Variants in BAZ1A observed in about 807,000 individuals in gnomAD.
BAZ1A encodes bromodomain adjacent to zinc finger domain protein 1A.
BAZ1A carries 50 observed loss-of-function variants against 185.2 expected under a neutral mutation model. The ratio of observed to expected loss-of-function variants is 0.27; its 90% confidence interval spans 0.22 to 0.34. BAZ1A has a LOEUF of 0.34. Among genes scored for constraint, BAZ1A ranks in the 10% least tolerant of loss-of-function variants. BAZ1A has a pLI of 1.00. For missense variants in BAZ1A, 1,356 were observed against 1,839.9 expected (o/e 0.74, Z 4.81); for synonymous variants, 571 against 615.6 (o/e 0.93, Z 1.07).
At chr14:34,765,352 TA>T (rs1414266490) in intron 21 of BAZ1A, 84 bp from the exon 22 acceptor site, 7 of 1,479,092 alleles carry the variant, frequency 4.7e-6, no homozygotes, top group Non-Finnish European at 6.4e-6. Flanking sequence ...AGTTTAAATA[TA>T]GGTTAGATTT....
intron 3 of BAZ1A, among the ~76,000 whole-genome samples, chr14:34,852,073 G>A (rs1038092392): frequency 2.6e-5 from 4 of 152,008 alleles, no homozygotes; most frequent in African/African-American, 9.7e-5. Context: ...CTTGCAGTGA[G>A]CTGAGATCGT....
chr14:34,763,026 C>T (rs956324006), intron 23 of BAZ1A, among the ~76,000 whole-genome samples: 2 of 152,126 alleles, frequency 1.3e-5, no homozygotes, highest in Admixed American at 6.5e-5. Flanking sequence ...GCCTTGAACC[C>T]GTGGTTCCTG....
chr14:34,860,537 CAAA>C (rs377519796), intron 3 of BAZ1A, among the ~76,000 whole-genome samples: 1 of 88,426 alleles, frequency 1.1e-5, no homozygotes, highest in Non-Finnish European at 2.4e-5. Context: ...AAAAAAAAAG[CAAA>C]AAAAAAAAAC....
intron 3 of BAZ1A, among the ~76,000 whole-genome samples, chr14:34,831,232 T>A (rs1292479551): frequency 6.6e-6 from 1 of 152,216 alleles, no homozygotes; most frequent in Non-Finnish European, 1.5e-5. Flanking sequence ...CTCTTCCAAA[T>A]GGCTATTAAT....
chr14:34,852,761 A>G (rs572475307), intron 3 of BAZ1A, among the ~76,000 whole-genome samples: 1 of 152,222 alleles, frequency 6.6e-6, no homozygotes, highest in Admixed American at 6.5e-5. Context: ...AAGCAACCCT[A>G]TAAGGCGGGG....
intron 25 of BAZ1A, 111 bp downstream of exon 25, chr14:34,758,593 C>CA: frequency 4.5e-5 from 52 of 1,159,244 alleles, no homozygotes; most frequent in African/African-American, 2.0e-4. Flanking sequence ...AAAACAACAA[C>CA]AACAAAAAAA....
intron 3 of BAZ1A, among the ~76,000 whole-genome samples, chr14:34,858,129 G>C (rs776172057): frequency 6.6e-6 from 1 of 152,096 alleles, no homozygotes; most frequent in Non-Finnish European, 1.5e-5. Flanking sequence ...AAGAAAATAT[G>C]TTAATAGTGC....
intron 6 of BAZ1A, among the ~76,000 whole-genome samples, chr14:34,804,153 G>A (rs990633052): frequency 3.9e-5 from 6 of 152,140 alleles, no homozygotes; most frequent in African/African-American, 1.4e-4. Context: ...GATTACAGGT[G>A]CGTGCCACCA....
chr14:34,856,628 T>A (rs539520484), intron 3 of BAZ1A, among the ~76,000 whole-genome samples: 1 of 152,008 alleles, frequency 6.6e-6, no homozygotes, highest in African/African-American at 2.4e-5. Context: ...AAGGCTGAGA[T>A]GGGTGGATCA....
At chr14:34,801,680 G>A (rs576724832) in intron 7 of BAZ1A, among the ~76,000 whole-genome samples, 20 of 152,208 alleles carry the variant, frequency 1.3e-4, no homozygotes, top group African/African-American at 2.6e-4. Context: ...AAGCCACGGC[G>A]GGTAGAATAC....
At chr14:34,871,232 T>C (rs1377331115) in intron 2 of BAZ1A, among the ~76,000 whole-genome samples, 1 of 152,232 alleles carries the variant, frequency 6.6e-6, no homozygotes, top group Admixed American at 6.5e-5. Flanking sequence ...AGAATATTTT[T>C]ATTTTTGTAG....
At chr14:34,756,464 C>CTTT (rs1343693112) in intron 25 of BAZ1A, among the ~76,000 whole-genome samples, 1,976 of 106,756 alleles carry the variant, frequency 0.019, 143 homozygotes, top group South Asian at 0.027. Flanking sequence ...GCCAGAATAC[C>CTTT]TATTTTTTTT....
chr14:34,754,975 A>T, intron 25 of BAZ1A, 61 bp from the exon 26 acceptor site: 3 of 1,314,610 alleles, frequency 2.3e-6, no homozygotes, highest in Non-Finnish European at 2.1e-6. Flanking sequence ...GAAGTGTTCA[A>T]ATAACTAAAA....
At chr14:34,832,931 G>A (rs897965176) in intron 3 of BAZ1A, among the ~76,000 whole-genome samples, 2 of 152,202 alleles carry the variant, frequency 1.3e-5, no homozygotes, top group African/African-American at 4.8e-5. Flanking sequence ...ATCAACAGAT[G>A]AATGGATAAG....
Position 34,754,858 on chromosome 14 carries a change from T to G in BAZ1A, c.4443A>C (p.Glu1481Asp). 6.2e-7 allele frequency: 1 copy of G among 1,603,576 alleles called. No homozygotes were observed. Among genetic ancestry groups the G allele is most frequent in the Non-Finnish European group, 8.5e-7 (1 of 1,174,820 alleles). The change falls in exon 26 of 27, where the codon GAA becomes GAC. Residue 1481 changes from glutamate (E) to aspartate (D), a missense_variant. Physicochemically the swap from Glu to Asp is conservative, Grantham distance 45. Transcript: ENST00000360310. Reference protein sequence around the residue: ...KKPIALNIIREKVNKCEYKLA... With the variant: ...KKPIALNIIRDKVNKCEYKLA... ...ATTTATATTCACACTTATTCACTTT[T>G]TCACGAATTATATTTAAGGCAATGG...
chr14:34,776,345 A>C lies in BAZ1A; in HGVS notation c.2407T>G (p.Phe803Val). 6.2e-7 allele frequency: 1 copy of C among 1,614,154 alleles called. No individual in the cohort carries two copies. The highest frequency in any genetic ancestry group is 8.5e-7 in the Non-Finnish European group (1 of 1,180,034). The stretch of plus-strand genomic sequence containing the variant: ...TACATGCGGTCGCGACCCAAGGGAA[A>C]GATATTGGTACAGGCTATGGCACTT... ...IQSAIACTNIFPLGRDRMYRR... is the reference protein window; with the variant it reads ...IQSAIACTNIVPLGRDRMYRR... Residue 803 changes from phenylalanine to valine, a missense_variant, in exon 18 of 27, where the codon TTT (phenylalanine) becomes GTT (valine). By Grantham distance (50) the Phe-to-Val change is conservative (BLOSUM62 -1). Around this residue, in one of 7 missense-constraint regions of BAZ1A, gnomAD observed 434 missense variants for 561.7 expected, o/e 0.77. Transcript: ENST00000360310.
At chr14:34,815,901 C>G (rs959699999) in intron 4 of BAZ1A, among the ~76,000 whole-genome samples, 3 of 152,026 alleles carry the variant, frequency 2.0e-5, no homozygotes, top group African/African-American at 7.2e-5. Flanking sequence ...AATGTTATTT[C>G]TCACGCATTA....
At chr14:34,792,547 C>T (rs1307120403) in intron 12 of BAZ1A, among the ~76,000 whole-genome samples, 1 of 152,036 alleles carries the variant, frequency 6.6e-6, no homozygotes, top group African/African-American at 2.4e-5. Flanking sequence ...GGAATAAAAG[C>T]AAGATAGACT....
chr14:34,754,844 C>A lies in BAZ1A; in HGVS notation c.4457G>T (p.Cys1486Phe). Reference protein sequence around the residue: ...LNIIREKVNKCEYKLASEFID... With the variant: ...LNIIREKVNKFEYKLASEFID... ...TTACTTACATGCTAATTTATATTCA[C>A]ACTTATTCACTTTTTCACGAATTAT... Residue 1486 changes from cysteine to phenylalanine, a missense_variant, in exon 26 of 27, where the codon TGT (cysteine) becomes TTT (phenylalanine). Transcript: ENST00000360310. 1.9e-6 allele frequency: 3 copies of A among 1,596,672 alleles called. No homozygotes were observed. The highest frequency in any genetic ancestry group is 2.6e-6 in the Non-Finnish European group (3 of 1,168,924).
Sources: gnomAD v4.1 joint callset for allele counts (sites outside exome capture counted in the v4.1 genomes callset) on GRCh38, gnomAD v4.1.1 for gene constraint, gnomAD v4.1.1 regional missense constraint, MANE v1.5 for transcripts, NCBI Gene and HGNC (gene_info 2026-07-23, HGNC 2026-07-21) for gene names.